Variants in WNT5A observed in about 807,000 individuals in gnomAD.
WNT5A encodes Wnt family member 5A.
WNT5A carries 9 observed loss-of-function variants against 42.1 expected under a neutral mutation model. The ratio of observed to expected loss-of-function variants is 0.21; its 90% CI spans 0.13 to 0.37. The LOEUF (loss-of-function observed/expected upper bound fraction) is 0.37. Among genes scored for constraint, WNT5A ranks in the 10% least tolerant of loss-of-function variants. The probability of loss-of-function intolerance (pLI) is 1.00; values close to 1 mark genes in which losing one functional copy is unlikely to be tolerated. For missense variants in WNT5A, 426 were observed against 534.0 expected (o/e 0.80, Z 1.99); for synonymous variants, 210 against 210.0 (o/e 1.00, Z 0.00).
At chr3:55,502,774 G>A in the WNT5A span, among the ~76,000 whole-genome samples, 24,577 of 152,246 alleles carry the variant, frequency 0.16, 2,470 homozygotes, top group Non-Finnish European at 0.23. Flanking sequence ...ATAGGCAAAG[G>A]TACTGAGACC....
upstream of WNT5A, among the ~76,000 whole-genome samples, chr3:55,491,040 C>A (rs1256259807): frequency 6.6e-6 from 1 of 152,142 alleles, no homozygotes; most frequent in East Asian, 1.9e-4. Context: ...TGGCTGGAAC[C>A]CCAGTCCTCA....
At chr3:55,500,273 T>C in the WNT5A span, among the ~76,000 whole-genome samples, 4 of 152,210 alleles carry the variant, frequency 2.6e-5, no homozygotes, top group South Asian at 8.3e-4. Flanking sequence ...AAATATACTA[T>C]GGGAATTTGC....
chr3:55,481,033 C>T lies in WNT5A; in HGVS notation c.7-115G>A, dbSNP rs1169490076. 2.4e-5 allele frequency: 28 copies of T among 1,152,178 alleles called. No individual in the cohort carries two copies. In the East Asian group the frequency reaches 8.3e-4, roughly 34 times the overall value. The allele number at this position is 1,152,178 out of a possible 1,614,324, so 71.4% of individuals were successfully genotyped here. On this transcript the variant is annotated intron_variant, in intron 1 of 4. Transcript: ENST00000264634. ...TTAAGTTTACTGTTGATTGACTGCG[C>T]TTCTCCTCCGTGAGTTTTTTGATGG...
upstream of WNT5A, among the ~76,000 whole-genome samples, chr3:55,492,378 CA>C (rs1228066607): frequency 6.6e-6 from 1 of 152,114 alleles, no homozygotes; most frequent in Non-Finnish European, 1.5e-5. Flanking sequence ...TCAATTTTCT[CA>C]CCTCTACAGT....
In WNT5A at chr3:55,469,562, T is replaced by A. The variant is rs1416116131; in HGVS notation, c.*530A>T. On this transcript the variant is annotated 3_prime_UTR_variant, in exon 5 of 5. Coordinates refer to ENST00000264634, the MANE Select transcript of WNT5A (RefSeq NM_003392.7). ...CATTTTGAAAATGCAGAAAGCAAGC[T>A]AGCAGCCCTGCTGGGGAAGGGAGGT... The A allele has an allele frequency of 6.5e-6, 1 of 152,756 alleles. No individual in the cohort carries two copies. Among genetic ancestry groups the A allele is most frequent in the Non-Finnish European group, 1.5e-5 (1 of 68,474 alleles). The allele number at this position is 152,756 out of a possible 1,614,324, so 9.5% of individuals were successfully genotyped here.
chr3:55,472,174 G>T (rs2051263633), intron 4 of WNT5A, among the ~76,000 whole-genome samples: 1 of 151,986 alleles, frequency 6.6e-6, no homozygotes, highest in Non-Finnish European at 1.5e-5. Flanking sequence ...CTACTCCAAT[G>T]ATCAAATTTA....
At chr3:55,499,941 C>T in the WNT5A span, among the ~76,000 whole-genome samples, 1 of 150,944 alleles carries the variant, frequency 6.6e-6, no homozygotes, top group Non-Finnish European at 1.5e-5. Flanking sequence ...AGCCACTGCA[C>T]TCCAGCCTGG....
At chr3:55,472,529 G>T (rs1044577484) in intron 4 of WNT5A, among the ~76,000 whole-genome samples, 1 of 152,068 alleles carries the variant, frequency 6.6e-6, no homozygotes, top group Non-Finnish European at 1.5e-5. Context: ...AGAGAGAATG[G>T]GGCTGACCCC....
At chr3:55,494,549 C>CT (rs371374276), upstream of WNT5A, among the ~76,000 whole-genome samples, 240 of 151,920 alleles carry the variant, frequency 1.6e-3, no homozygotes, top group African/African-American at 4.6e-3. Flanking sequence ...TACTTTTTTT[C>CT]TTTTTTTTGA....
chr3:55,470,235 C>T lies in WNT5A; in HGVS notation c.1000G>A (p.Gly334Ser). The T allele has an allele frequency of 6.2e-7, 1 of 1,614,138 alleles. No homozygotes were observed. Among genetic ancestry groups the T allele is most frequent in the East Asian group, 2.2e-5 (1 of 44,888 alleles). The change falls in exon 5 of 5, where the codon GGC becomes AGC. Residue 334 changes from glycine to serine, a missense_variant. By Grantham distance (56) the Gly-to-Ser change is moderately conservative. This residue lies in a region of WNT5A where 358 missense variants were observed against 468.1 expected (regional missense o/e 0.76). Transcript: ENST00000264634. ...CGGCCGCAGCACATGAGCTCGCAGC[C>T]ATCCATGCCCTCCGACGTCTTGTTG... ...LCNKTSEGMD[G>S]CELMCCGRGY... is the part of the protein sequence containing the mutation.
At chr3:55,471,502 A>G (rs2051251673) in intron 4 of WNT5A, among the ~76,000 whole-genome samples, 1 of 152,216 alleles carries the variant, frequency 6.6e-6, no homozygotes, top group Non-Finnish European at 1.5e-5. Flanking sequence ...ACCAACCTCC[A>G]AGTGCTGTTA....
the WNT5A span, among the ~76,000 whole-genome samples, chr3:55,497,981 C>A: frequency 6.6e-6 from 1 of 152,274 alleles, no homozygotes; most frequent in Admixed American, 6.5e-5. Flanking sequence ...AAAATGAAAT[C>A]CTGGCAGGAT....
the WNT5A span, among the ~76,000 whole-genome samples, chr3:55,502,428 G>A: frequency 6.6e-6 from 1 of 152,112 alleles, no homozygotes; most frequent in Non-Finnish European, 1.5e-5. Flanking sequence ...GGAATCAAAA[G>A]TCAAGACAAT....
intron 1 of WNT5A, among the ~76,000 whole-genome samples, chr3:55,486,416 A>C (rs1376480442): frequency 6.6e-6 from 1 of 152,216 alleles, no homozygotes; most frequent in Non-Finnish European, 1.5e-5. Context: ...CGCTCGAGTT[A>C]CTCGGCCAAG....
In WNT5A at chr3:55,466,580, A is replaced by G. The variant is rs889312506; in HGVS notation, c.*3512T>C. Reference sequence around the variant, plus strand: ...AACAGATAAACTGGATTAAAACTTAAAAGTCTTCTTTCTATTTGAGCCCAT... The same window carrying G: ...AACAGATAAACTGGATTAAAACTTAGAAGTCTTCTTTCTATTTGAGCCCAT... On this transcript the variant is annotated 3_prime_UTR_variant, in exon 5 of 5. Coordinates refer to ENST00000264634, the MANE Select transcript of WNT5A (RefSeq NM_003392.7). 1 of 152,480 alleles carries G rather than the reference A, an allele frequency of 6.6e-6. No homozygotes were observed. The highest frequency in any genetic ancestry group is 1.5e-5 in the Non-Finnish European group (1 of 68,030). The allele number at this position is 152,480 out of a possible 1,614,324, so 9.4% of individuals were successfully genotyped here. A position where few individuals can be genotyped will look rare whatever the true frequency, so the allele number is the denominator to read the frequency against.
chr3:55,470,578 A>G (rs368485562), intron 4 of WNT5A, 28 bp from the exon 5 acceptor site: 1 of 1,479,466 alleles, frequency 6.8e-7, no homozygotes, highest in Non-Finnish European at 9.0e-7. Context: ...CAATCAATAC[A>G]CACATTCATG....
At position 55,467,860 on chromosome 3, in the gene WNT5A, G is replaced by C. The variant is rs2051171221; in HGVS notation, c.*2232C>G. 6.6e-6 allele frequency: 1 copy of C among 152,074 alleles called. No individual in the cohort carries two copies. 9.4% of individuals were successfully genotyped at this position (152,074 alleles called of 1,614,324 possible). A position where few individuals can be genotyped will look rare whatever the true frequency, so the allele number is the denominator to read the frequency against. On this transcript the variant is annotated 3_prime_UTR_variant, in exon 5 of 5. Transcript: ENST00000264634. ...CAATCTGATTTAGCAAATAAAAAAA[G>C]TACTTCATGGTTTTTGTATAATAAA...
rs1237264464 is a variant in WNT5A at position 55,469,237 on chromosome 3, G to T, written c.*855C>A. 6.6e-6 allele frequency: 1 copy of T among 151,970 alleles called. No homozygotes were observed. The highest frequency in any genetic ancestry group is 2.4e-5 in the African/African-American group (1 of 41,308). 9.4% of individuals were successfully genotyped at this position (151,970 alleles called of 1,614,324 possible). On this transcript the variant is annotated 3_prime_UTR_variant, in exon 5 of 5. Coordinates refer to ENST00000264634, the MANE Select transcript of WNT5A (RefSeq NM_003392.7). ...ACCAAGTATCCCTAAGAAAATAACA[G>T]GATATTTTCATTTATGTTCAAGCCA...
rs933600859 is a variant in WNT5A, at chr3:55,487,152, T to C, written c.-167A>G. The C allele has an allele frequency of 1.3e-4, 76 of 603,514 alleles. No homozygotes were observed. The African/African-American group carries it at 1.4e-3, about 11-fold the overall frequency. The allele number at this position is 603,514 out of a possible 1,614,324, so 37.4% of individuals were successfully genotyped here. A position where few individuals can be genotyped will look rare whatever the true frequency, so the allele number is the denominator to read the frequency against. ...AGTGAACCGGAGCTGAAGCGGGCAC[T>C]GGCGCCCGGGCCTGGACTCCCGAGT... On this transcript the variant is annotated 5_prime_UTR_variant, in exon 1 of 5. Transcript: ENST00000264634.
Sources: gnomAD v4.1 joint callset for allele counts (sites outside exome capture counted in the v4.1 genomes callset) on GRCh38, gnomAD v4.1.1 for gene constraint, gnomAD v4.1.1 regional missense constraint, MANE v1.5 for transcripts, NCBI Gene and HGNC (gene_info 2026-07-23, HGNC 2026-07-21) for gene names.